The following NTN1 variants were observed in gnomAD, a reference collection of about 807,000 sequenced individuals.
The protein encoded by NTN1 is netrin-1.
NTN1 carries 11 observed loss-of-function variants against 54.2 expected under a neutral mutation model. The observed-to-expected ratio is 0.20, with a 90% CI of 0.13 to 0.34. NTN1 has a LOEUF of 0.34. NTN1 is among the 10% of genes least tolerant of loss of function. NTN1 has a pLI of 1.00. For missense variants in NTN1, 740 were observed against 893.1 expected, an observed-to-expected ratio of 0.83 and a Z score of 2.18; for synonymous variants, 371 against 382.0, an observed-to-expected ratio of 0.97 and a Z score of 0.33.
chr17:9,087,537 G>A (rs866122769), intron 2 of NTN1, among the ~76,000 whole-genome samples: 1 of 152,214 alleles, frequency 6.6e-6, no homozygotes, highest in Non-Finnish European at 1.5e-5. Context: ...CCAGTGGGCA[G>A]TGGAGCTGAG....
At chr17:9,238,053 C>T (rs139756115) in intron 6 of NTN1, among the ~76,000 whole-genome samples, 34 of 152,300 alleles carry the variant, frequency 2.2e-4, no homozygotes, top group African/African-American at 7.7e-4. Context: ...CTCCTGCACT[C>T]GGCTGTCCCT....
At chr17:9,061,845 A>AG (rs1345901053) in intron 2 of NTN1, among the ~76,000 whole-genome samples, 8 of 152,094 alleles carry the variant, frequency 5.3e-5, no homozygotes, top group Admixed American at 3.3e-4. Flanking sequence ...CTGGGATTAC[A>AG]GGTGCCTGCC....
At chr17:9,161,465 G>A (rs1044276411) in intron 2 of NTN1, among the ~76,000 whole-genome samples, 2 of 152,226 alleles carry the variant, frequency 1.3e-5, no homozygotes, top group Middle Eastern at 3.4e-3. Flanking sequence ...CCTGATGGGC[G>A]CCCTCAGATT....
At chr17:9,233,140 C>T (rs1905872329) in intron 6 of NTN1, among the ~76,000 whole-genome samples, 1 of 151,990 alleles carries the variant, frequency 6.6e-6, no homozygotes, top group South Asian at 2.1e-4. Context: ...CACTGGGGGC[C>T]CACCTCGAGC....
At chr17:9,180,561 C>T (rs984694536) in intron 4 of NTN1, among the ~76,000 whole-genome samples, 21 of 152,214 alleles carry the variant, frequency 1.4e-4, no homozygotes, top group African/African-American at 4.3e-4. Flanking sequence ...TCTCACTGTC[C>T]ACCTGGACCC....
chr17:9,166,529 A>G (rs1197357449), intron 3 of NTN1, among the ~76,000 whole-genome samples: 2 of 151,926 alleles, frequency 1.3e-5, no homozygotes. Flanking sequence ...TTTAGTAGAT[A>G]TGGGGTTTCA....
chr17:9,226,422 G>GGTCTCGTGGGGAGGCT (rs1567744912), intron 6 of NTN1, among the ~76,000 whole-genome samples: 24 of 147,110 alleles, frequency 1.6e-4, no homozygotes, highest in Admixed American at 4.1e-4. Context: ...GTGGGGAGGC[G>GGTCTCGTGGGGAGGCT]GTCTCGTGGG....
intron 5 of NTN1, among the ~76,000 whole-genome samples, chr17:9,196,679 C>T (rs1027424231): frequency 6.6e-6 from 1 of 152,228 alleles, no homozygotes; most frequent in Non-Finnish European, 1.5e-5. Flanking sequence ...CCTCCCCATT[C>T]CCCCCTCCAG....
chr17:9,059,580 A>G (rs1597473203), intron 2 of NTN1, among the ~76,000 whole-genome samples: 2 of 152,340 alleles, frequency 1.3e-5, no homozygotes, highest in South Asian at 4.1e-4. Context: ...AAAAGGGCAC[A>G]TATGATATGG....
At chr17:9,125,737 C>T (rs923217953) in intron 2 of NTN1, among the ~76,000 whole-genome samples, 10 of 151,984 alleles carry the variant, frequency 6.6e-5, no homozygotes, top group Non-Finnish European at 1.3e-4. Context: ...TCCCAAAGTG[C>T]TGAGATTACA....
intron 3 of NTN1, among the ~76,000 whole-genome samples, chr17:9,163,683 C>T (rs1246949852): frequency 6.6e-6 from 1 of 152,156 alleles, no homozygotes; most frequent in Admixed American, 6.5e-5. Context: ...TAACTTTCTG[C>T]TGTTTGTTTT....
At chr17:9,074,340 C>T (rs1327352181) in intron 2 of NTN1, among the ~76,000 whole-genome samples, 1 of 152,204 alleles carries the variant, frequency 6.6e-6, no homozygotes, top group Non-Finnish European at 1.5e-5. Context: ...CTGAGCGTCT[C>T]TCTGCGCGTG....
chr17:9,228,961 T>A (rs1230470963), intron 6 of NTN1, among the ~76,000 whole-genome samples: 3 of 151,882 alleles, frequency 2.0e-5, no homozygotes, highest in Non-Finnish European at 2.9e-5. Flanking sequence ...TCTGCGTGTG[T>A]GATTGTGTTT....
At chr17:9,225,782 C>T (rs189374775) in intron 6 of NTN1, among the ~76,000 whole-genome samples, 33 of 152,294 alleles carry the variant, frequency 2.2e-4, no homozygotes, top group Non-Finnish European at 4.1e-4. Flanking sequence ...CTGACTGACA[C>T]CCGGCAGGGG....
intron 2 of NTN1, among the ~76,000 whole-genome samples, chr17:9,139,000 GT>G (rs1248128050): frequency 4.6e-5 from 7 of 152,180 alleles, no homozygotes; most frequent in African/African-American, 1.4e-4. Flanking sequence ...GTGGCGTGTG[GT>G]GGAGGCTGGG....
At chr17:9,106,780 G>T (rs1409992669) in intron 2 of NTN1, among the ~76,000 whole-genome samples, 1 of 152,144 alleles carries the variant, frequency 6.6e-6, no homozygotes, top group East Asian at 1.9e-4. Context: ...CTCCCAAAGT[G>T]CTGGGATTAC....
chr17:9,228,851 T>TGTGTGA (rs1351179994), intron 6 of NTN1, among the ~76,000 whole-genome samples: 1 of 104,704 alleles, frequency 9.6e-6, no homozygotes, highest in Non-Finnish European at 1.9e-5. Flanking sequence ...TGTGTGTGTG[T>TGTGTGA]GACTGTGTAT....
rs1904355566 is a variant in NTN1 at position 9,188,633 on chromosome 17, A to C, written c.1411+5664A>C. Among the ~76,000 whole-genome samples, 5 of 152,138 alleles carry C rather than the reference A, an allele frequency of 3.3e-5. No individual in the cohort carries two copies. The South Asian group carries it at 1.0e-3, about 32-fold the overall frequency. On this transcript the variant is annotated intron_variant, in intron 5 of 6. Transcript: ENST00000173229. ...CTTGTCTTCCTGTCGCCTCACTGGG[A>C]ACCTTTGGAGGGGATGGCGGAAGTC...
At chr17:9,237,107 G>T (rs1475451211) in intron 6 of NTN1, among the ~76,000 whole-genome samples, 1 of 152,204 alleles carries the variant, frequency 6.6e-6, no homozygotes, top group East Asian at 1.9e-4. Flanking sequence ...AAGATGAATT[G>T]TATTAGCTTC....
Sources: allele counts gnomAD v4.1 joint callset (sites outside exome capture counted in the v4.1 genomes callset), GRCh38; gene constraint gnomAD v4.1.1; transcripts MANE v1.5; gene names NCBI Gene and HGNC (gene_info 2026-07-23, HGNC 2026-07-21).